PDXDC1: variants seen among roughly 807,000 people sequenced by gnomAD.
The protein encoded by PDXDC1 is pyridoxal dependent decarboxylase domain containing 1.
In PDXDC1, 42 loss-of-function variants were observed where a neutral mutation model predicts 100.1. The observed-to-expected ratio is 0.42, with a 90% confidence interval of 0.33 to 0.54. The LOEUF (loss-of-function observed/expected upper bound fraction) is 0.54. PDXDC1 is among the 20% of genes least tolerant of loss of function. The pLI is 0.10. For missense variants in PDXDC1, 636 were observed against 979.2 expected (o/e 0.65, Z 4.68); for synonymous variants, 260 against 371.7 (o/e 0.70, Z 3.46).
At chr16:15,065,928 G>A (rs1034991016) in intron 16 of PDXDC1, among the ~76,000 whole-genome samples, 4 of 152,378 alleles carry the variant, frequency 2.6e-5, no homozygotes, top group South Asian at 2.1e-4. Context: ...GGCATGCCGA[G>A]TGAGAACAGT....
At chr16:14,993,702 C>T (rs1279767414) in intron 1 of PDXDC1, among the ~76,000 whole-genome samples, 1 of 152,300 alleles carries the variant, frequency 6.6e-6, no homozygotes, top group African/African-American at 2.4e-5. Context: ...GTTCTAGATC[C>T]CTGAGGAATC....
At chr16:14,975,022 C>A (rs1452601362), upstream of PDXDC1, 1 of 1,533,102 alleles carries the variant, frequency 6.5e-7, no homozygotes, top group Non-Finnish European at 8.7e-7. Context: ...CCCCGCCCCG[C>A]CGCCTCTCAA....
chr16:15,148,045 G>A, the PDXDC1 span, among the ~76,000 whole-genome samples: 8 of 151,606 alleles, frequency 5.3e-5, no homozygotes, highest in South Asian at 8.3e-4. Flanking sequence ...CTGGAGTGCA[G>A]TGGCACCATC....
chr16:14,986,016 A>C (rs748956400), intron 1 of PDXDC1, among the ~76,000 whole-genome samples: 3 of 152,280 alleles, frequency 2.0e-5, no homozygotes, highest in Non-Finnish European at 4.4e-5. Flanking sequence ...TTAGAGGATC[A>C]CTTGAGCCCA....
the PDXDC1 span, among the ~76,000 whole-genome samples, chr16:15,152,326 ATC>A: frequency 1.2e-3 from 152 of 129,962 alleles, 1 homozygote; most frequent in African/African-American, 3.6e-3. Context: ...AGCAGCTGTG[ATC>A]TGTGTCCTTC....
rs182292514 is a variant in PDXDC1 at position 15,101,109 on chromosome 16, T to C, written c.1400-37770T>C. Among the ~76,000 whole-genome samples, 37 of 152,366 alleles carry C rather than the reference T, an allele frequency of 2.4e-4. 1 individual carries two copies. The East Asian group carries it at 7.1e-3, about 29-fold the overall frequency. ...AAAATGGGAATAACTTTTTGAGCTA[T>C]TTTAGAGCTATCGTAAGGATTAGAG... On this transcript the variant is annotated intron_variant, in intron 16 of 16. Coordinates refer to the PDXDC1 transcript ENST00000535621.
At chr16:15,143,048 C>A (rs1229394377), downstream of PDXDC1, among the ~76,000 whole-genome samples, 1 of 152,152 alleles carries the variant, frequency 6.6e-6, no homozygotes, top group Admixed American at 6.5e-5. Flanking sequence ...AGGATGTGCT[C>A]CCAGGGAAGC....
intron 16 of PDXDC1, among the ~76,000 whole-genome samples, chr16:15,052,301 T>C (rs2044323916): frequency 6.6e-6 from 1 of 152,232 alleles, no homozygotes; most frequent in Non-Finnish European, 1.5e-5. Context: ...CAAAATATTA[T>C]TTTGATTTTT....
At chr16:15,090,037 C>G (rs1279719681) in intron 16 of PDXDC1, among the ~76,000 whole-genome samples, 1 of 151,600 alleles carries the variant, frequency 6.6e-6, no homozygotes, top group Non-Finnish European at 1.5e-5. Context: ...GGTGAAACCC[C>G]GTTTCTACTA....
intron 16 of PDXDC1, chr16:15,061,722 T>C: frequency 6.3e-7 from 1 of 1,597,672 alleles, no homozygotes; most frequent in Non-Finnish European, 8.6e-7. Context: ...AAATGTCACA[T>C]CTCAGTCACA....
downstream of PDXDC1, chr16:15,041,747 C>T (rs527267412): frequency 2.9e-5 from 33 of 1,130,418 alleles, no homozygotes; most frequent in East Asian, 4.3e-4. Context: ...GCTGAGCAAG[C>T]CAACGACAGG....
intron 16 of PDXDC1, chr16:15,092,538 C>T (rs2046176569): frequency 6.2e-7 from 1 of 1,613,102 alleles, no homozygotes; most frequent in Admixed American, 1.7e-5. Flanking sequence ...ACTTCTGTCA[C>T]AGTTCCACCA....
rs181509572 is a variant in PDXDC1, at chr16:15,084,446, T to G, written c.1399+54390T>G. On this transcript the variant is annotated intron_variant, in intron 16 of 16. Transcript: ENST00000535621. ...TGGGGGAGGATCTGCATACAAACTT[T>G]GAAAAACAATTAAAGAGAATAAATA... Among the ~76,000 whole-genome samples, 179 of 150,574 alleles carry G rather than the reference T, an allele frequency of 1.2e-3. 1 individual carries two copies. Among genetic ancestry groups the G allele is most frequent in the African/African-American group, 4.3e-3 (177 of 41,142 alleles).
chr16:15,053,271 T>C (rs1045575732), intron 16 of PDXDC1, among the ~76,000 whole-genome samples: 4 of 152,212 alleles, frequency 2.6e-5, no homozygotes, highest in African/African-American at 9.6e-5. Context: ...TTTCCCAGCC[T>C]CTCTGTGCCC....
chr16:15,126,223 A>T (rs1249138215), intron 16 of PDXDC1, among the ~76,000 whole-genome samples: 1 of 148,406 alleles, frequency 6.7e-6, no homozygotes, highest in Non-Finnish European at 1.5e-5. Flanking sequence ...TTTAGTAGAG[A>T]CGGGGTTTCA....
rs924656076 is a variant in PDXDC1 at position 15,129,554 on chromosome 16, G to A, written c.1400-9325G>A. On this transcript the variant is annotated intron_variant, in intron 16 of 16. Transcript: ENST00000535621. Reference sequence around the variant, plus strand: ...AGGGTGCTGGCGCCTCCGTCTGAGAGACGAGCTATGCAGTCAGGATCGCGG... The same window carrying A: ...AGGGTGCTGGCGCCTCCGTCTGAGAAACGAGCTATGCAGTCAGGATCGCGG... Among the ~76,000 whole-genome samples the A allele has an allele frequency of 6.6e-5, 10 of 152,254 alleles. 1 individual carries two copies. Among genetic ancestry groups the A allele is most frequent in the Admixed American group, 2.0e-4 (3 of 15,288 alleles).
rs1275224786 is a variant in PDXDC1, at chr16:15,026,661, T to A, written c.1159T>A (p.Ser387Thr). 1 of 1,613,872 alleles carries A rather than the reference T, an allele frequency of 6.2e-7. No homozygotes were observed. The highest frequency in any genetic ancestry group is 1.3e-5 in the African/African-American group (1 of 75,070). Residue 387 changes from serine (S) to threonine (T), a missense_variant, in exon 14 of 23, where the codon TCC (serine) becomes ACC (threonine). Coordinates refer to ENST00000396410, the MANE Select transcript of PDXDC1 (RefSeq NM_015027.4). ...CTTCCAGGTGGAAGATGAGCTCAGC[T>A]CCCCAGTGGTGGTGTTCAGATTTTT... ...IKILVEDELS[S>T]PVVVFRFFQE...
intron 16 of PDXDC1, among the ~76,000 whole-genome samples, chr16:15,079,686 G>A (rs12917987): frequency 0.64 from 97,224 of 151,544 alleles, 32,966 homozygotes; most frequent in Non-Finnish European, 0.74. Flanking sequence ...TCTGCCTCCC[G>A]GATTCAAGCA....
intron 5 of PDXDC1, 78 bp from the exon 6 acceptor site, chr16:15,006,316 T>G: frequency 1.5e-6 from 2 of 1,351,222 alleles, no homozygotes; most frequent in Admixed American, 2.1e-5. Flanking sequence ...GAGAAAAGAA[T>G]TGTCTCCATG....
Sources: gnomAD v4.1 joint callset for allele counts (sites outside exome capture counted in the v4.1 genomes callset) on GRCh38, gnomAD v4.1.1 for gene constraint, MANE v1.5 for transcripts, NCBI Gene and HGNC (gene_info 2026-07-23, HGNC 2026-07-21) for gene names.